The following TECTB variants were observed in gnomAD, a reference collection of about 807,000 sequenced individuals.
The protein encoded by TECTB is tectorin beta.
A neutral mutation model predicts 43.3 loss-of-function variants in TECTB; 45 were observed. That is an observed-to-expected ratio of 1.04 (90% CI 0.82 to 1.33). The LOEUF (loss-of-function observed/expected upper bound fraction) is 1.33. Among genes scored for constraint, TECTB ranks in the 40% most tolerant of loss-of-function variants. TECTB has a pLI of 0.00. For missense variants in TECTB, 399 were observed against 404.7 expected, an observed-to-expected ratio of 0.99 and a Z score of 0.12; for synonymous variants, 169 against 156.7, an observed-to-expected ratio of 1.08 and a Z score of -0.59.
intron 9 of TECTB, among the ~76,000 whole-genome samples, chr10:112,301,877 A>AT (rs1210429114): frequency 6.6e-6 from 1 of 152,038 alleles, no homozygotes; most frequent in African/African-American, 2.4e-5. Context: ...CATCTGGTTC[A>AT]TTTTTGTATT....
intron 5 of TECTB, among the ~76,000 whole-genome samples, chr10:112,292,371 G>A (rs191123140): frequency 7.9e-5 from 12 of 152,164 alleles, no homozygotes; most frequent in South Asian, 2.1e-4. Context: ...TGCTCACATC[G>A]TGGTGTTGAC....
At chr10:112,284,297 T>G (rs1298381917) in intron 2 of TECTB, among the ~76,000 whole-genome samples, 3 of 152,196 alleles carry the variant, frequency 2.0e-5, no homozygotes, top group Non-Finnish European at 4.4e-5. Context: ...ATGGACTAAT[T>G]TTAATTCCAT....
intron 7 of TECTB, among the ~76,000 whole-genome samples, chr10:112,296,951 C>CGACA (rs889212782): frequency 3.3e-5 from 5 of 152,148 alleles, no homozygotes; most frequent in African/African-American, 4.8e-5. Flanking sequence ...TCCTGCAGAG[C>CGACA]GACAGACCCT....
At chr10:112,289,246 T>C (rs1848478770) in intron 5 of TECTB, among the ~76,000 whole-genome samples, 1 of 152,232 alleles carries the variant, frequency 6.6e-6, no homozygotes, top group South Asian at 2.1e-4. Flanking sequence ...GTTAACTTTA[T>C]AAGGCTGAAC....
chr10:112,302,245 T>C (rs150337314), intron 10 of TECTB, 112 bp downstream of exon 10: 8 of 1,364,222 alleles, frequency 5.9e-6, no homozygotes, highest in Middle Eastern at 1.8e-4. Flanking sequence ...GGATTGAAAA[T>C]TATACTTTAA....
chr10:112,299,188 G>A (rs1848574497), intron 8 of TECTB, among the ~76,000 whole-genome samples: 1 of 152,190 alleles, frequency 6.6e-6, no homozygotes, highest in Non-Finnish European at 1.5e-5. Flanking sequence ...GTAAGTAGAA[G>A]CCTTATCAAA....
intron 7 of TECTB, among the ~76,000 whole-genome samples, chr10:112,296,570 T>C (rs917633370): frequency 3.9e-5 from 6 of 152,200 alleles, no homozygotes; most frequent in African/African-American, 1.4e-4. Flanking sequence ...ATTGACAAAA[T>C]GATCCTACAG....
intron 7 of TECTB, 133 bp from the exon 8 acceptor site, chr10:112,297,936 G>T: frequency 8.6e-7 from 1 of 1,158,788 alleles, no homozygotes; most frequent in Non-Finnish European, 1.3e-6. Flanking sequence ...CAAGTGAGGT[G>T]CTGCTAATCA....
chr10:112,303,012 C>T, intron 10 of TECTB: 1 of 498,912 alleles, frequency 2.0e-6, no homozygotes, highest in Non-Finnish European at 3.6e-6. Context: ...TTAAGTTCTA[C>T]ACTGAAAGCC....
intron 5 of TECTB, among the ~76,000 whole-genome samples, chr10:112,288,028 G>A (rs1451737092): frequency 6.6e-6 from 1 of 152,114 alleles, no homozygotes; most frequent in Non-Finnish European, 1.5e-5. Flanking sequence ...TGATGATAAG[G>A]TGGTGAAACC....
Position 112,303,148 on chromosome 10 carries a change from T to C in TECTB, c.941-115T>C, listed in dbSNP as rs778398275. On this transcript the variant is annotated intron_variant, in intron 10 of 10. Coordinates refer to ENST00000646139, the MANE Select transcript of TECTB (RefSeq NM_058222.3). ...CCCCAAGGGATGAACAAAATCGACT[T>C]TGTCTAAAATGTGTGGAATTTTATG... is the stretch of plus-strand genomic sequence containing the variant. 3.3e-4 allele frequency: 428 copies of C among 1,279,218 alleles called. 1 individual carries two copies. Among genetic ancestry groups the C allele is most frequent in the Middle Eastern group, 1.3e-3 (7 of 5,332 alleles). The allele number at this position is 1,279,218 out of a possible 1,614,324, so 79.2% of individuals were successfully genotyped here.
chr10:112,303,064 G>A, intron 10 of TECTB, 199 bp from the exon 11 acceptor site: 1 of 597,310 alleles, frequency 1.7e-6, no homozygotes, highest in Non-Finnish European at 3.0e-6. Context: ...TTTGTCAGAG[G>A]TCCACAACCT....
intron 8 of TECTB, 90 bp downstream of exon 8, chr10:112,298,321 C>A (rs769508474): frequency 4.0e-6 from 6 of 1,497,088 alleles, no homozygotes; most frequent in Non-Finnish European, 5.4e-6. Flanking sequence ...CATAACCAGG[C>A]CAGGGCAGCT....
At chr10:112,285,432 T>C (rs913059529) in intron 3 of TECTB, among the ~76,000 whole-genome samples, 1 of 152,178 alleles carries the variant, frequency 6.6e-6, no homozygotes, top group African/African-American at 2.4e-5. Context: ...CCAGCTCCTC[T>C]TTCTAAAGGC....
At chr10:112,293,891 G>A (rs752283441) in intron 6 of TECTB, 50 bp downstream of exon 6, 3 of 1,602,994 alleles carry the variant, frequency 1.9e-6, no homozygotes, top group Non-Finnish European at 2.6e-6. Context: ...AGAAAAAAAA[G>A]ACTAGCTGAC....
chr10:112,297,066 C>T (rs876284), intron 7 of TECTB, among the ~76,000 whole-genome samples: 10,628 of 152,176 alleles, frequency 0.07, 446 homozygotes, highest in East Asian at 0.17. Context: ...GTTAAAGGAA[C>T]GGCACTTAGG....
In TECTB at chr10:112,283,790, C is replaced by G; in HGVS notation, c.56C>G (p.Ser19Trp). 1 of 1,613,878 alleles carries G rather than the reference C, an allele frequency of 6.2e-7. No homozygotes were observed. The highest frequency in any genetic ancestry group is 8.5e-7 in the Non-Finnish European group (1 of 1,179,888). The change falls in exon 2 of 11, where the codon TCG becomes TGG. Residue 19 changes from serine to tryptophan, a missense_variant. Transcript: ENST00000646139. ...ATCTTTGCAGAAGCCTCTGCAAAAT[C>G]GTGTGCTCCAAATAAAGCAGGTATG... ...LAIFAEASAKSCAPNKADVIL... is the reference protein window; with the variant it reads ...LAIFAEASAKWCAPNKADVIL...
At chr10:112,283,521 C>T in intron 1 of TECTB, 25 bp downstream of exon 1, 1 of 554,174 alleles carries the variant, frequency 1.8e-6, no homozygotes, top group Non-Finnish European at 3.2e-6. Flanking sequence ...TTTTGCCTCT[C>T]AGCGCTAACA....
Position 112,286,106 on chromosome 10 carries a change from C to A in TECTB, c.303C>A (p.Ile101=). 1 of 1,614,130 alleles carries A rather than the reference C, an allele frequency of 6.2e-7. No individual in the cohort carries two copies. Among genetic ancestry groups the A allele is most frequent in the Non-Finnish European group, 8.5e-7 (1 of 1,179,974 alleles). The change falls in exon 4 of 11, where the codon ATC becomes ATA. Residue 101 remains isoleucine, a synonymous_variant. Coordinates refer to ENST00000646139, the MANE Select transcript of TECTB (RefSeq NM_058222.3). ...KPPIYHFYSH[I]VSNDTTVIVK... ...CTATCTATCACTTCTACAGTCACAT[C>A]GTTTCCAATGACACCACAGTGATTG...
Sources: gnomAD v4.1 joint callset for allele counts (sites outside exome capture counted in the v4.1 genomes callset) on GRCh38, gnomAD v4.1.1 for gene constraint, MANE v1.5 for transcripts, NCBI Gene and HGNC (gene_info 2026-07-23, HGNC 2026-07-21) for gene names.